The following NECTIN2 variants were observed in gnomAD, a reference collection of about 807,000 sequenced individuals.
The protein encoded by NECTIN2 is nectin-2.
Under a neutral mutation model 56.9 loss-of-function variants are expected in NECTIN2, and 23 were observed. The observed-to-expected ratio is 0.40, with a 90% CI of 0.29 to 0.57. The LOEUF is 0.57. Ranked by LOEUF, NECTIN2 falls within the 20% of genes least tolerant of loss-of-function variation. NECTIN2 has a pLI of 0.38. For synonymous variants in NECTIN2, 302 were observed against 313.8 expected, an observed-to-expected ratio of 0.96 and a Z score of 0.40; for missense variants, 587 against 718.3, an observed-to-expected ratio of 0.82 and a Z score of 2.09.
At chr19:44,856,960 C>A (rs1430854787) in intron 1 of NECTIN2, among the ~76,000 whole-genome samples, 1 of 152,168 alleles carries the variant, frequency 6.6e-6, no homozygotes, top group Non-Finnish European at 1.5e-5. Flanking sequence ...ACCTGGGCCA[C>A]GCCCCGTGAA....
chr19:44,882,048 C>T, intron 5 of NECTIN2, 163 bp from the exon 6 acceptor site: 1 of 527,210 alleles, frequency 1.9e-6, no homozygotes. Flanking sequence ...CACATCCTCG[C>T]TCCTTCCTCA....
At chr19:44,881,284 A>G (rs2122707985) in intron 5 of NECTIN2, among the ~76,000 whole-genome samples, 1 of 152,052 alleles carries the variant, frequency 6.6e-6, no homozygotes, top group South Asian at 2.1e-4. Flanking sequence ...CTGTCCCCGC[A>G]TTCTCTGTCT....
Position 44,886,237 on chromosome 19 carries a change from G to C in NECTIN2, c.1347+18G>C, listed in dbSNP as rs763355550. 3 of 1,597,558 alleles carry C rather than the reference G, an allele frequency of 1.9e-6. No homozygotes were observed. Among genetic ancestry groups the C allele is most frequent in the South Asian group, 2.2e-5 (2 of 90,614 alleles). ...CTGAGCAGGTAGGAGCTCATGGGAA[G>C]ACAAAGGTGGGTTGGGGGTCTGGGT... On this transcript the variant is annotated intron_variant, in intron 8 of 8. Transcript: ENST00000252483.
At chr19:44,881,265 C>G (rs909510153) in intron 5 of NECTIN2, among the ~76,000 whole-genome samples, 2 of 152,112 alleles carry the variant, frequency 1.3e-5, no homozygotes, top group Admixed American at 6.5e-5. Flanking sequence ...GATTCTGGAT[C>G]CCAGAATTCT....
intron 2 of NECTIN2, among the ~76,000 whole-genome samples, chr19:44,867,963 G>A (rs1199756015): frequency 2.0e-5 from 3 of 152,080 alleles, no homozygotes; most frequent in Admixed American, 2.0e-4. Flanking sequence ...CTGGGAAGAC[G>A]GATGAGGCAG....
chr19:44,879,005 G>A (rs544768600), intron 5 of NECTIN2: 1 of 830,892 alleles, frequency 1.2e-6, no homozygotes, highest in Non-Finnish European at 1.5e-6. Context: ...GTGGGACAGG[G>A]ACTCCTAGGT....
intron 1 of NECTIN2, 128 bp downstream of exon 1, chr19:44,846,741 C>A: frequency 8.9e-7 from 1 of 1,123,566 alleles, no homozygotes; most frequent in Non-Finnish European, 1.2e-6. Context: ...TGCCCCCTTC[C>A]TGGCTGGCCC....
intron 1 of NECTIN2, among the ~76,000 whole-genome samples, chr19:44,863,296 C>A (rs1470412453): frequency 6.7e-6 from 1 of 150,366 alleles, no homozygotes; most frequent in African/African-American, 2.4e-5. Context: ...CATGGCAAAA[C>A]CCTATCTCTA....
intron 6 of NECTIN2, among the ~76,000 whole-genome samples, chr19:44,885,334 T>C (rs1043980329): frequency 6.3e-5 from 9 of 143,304 alleles, no homozygotes; most frequent in African/African-American, 2.3e-4. Context: ...TTTTTTAATT[T>C]GAGATGGCAT....
chr19:44,878,802 A>G (rs1969274703), intron 5 of NECTIN2: 10 of 1,392,442 alleles, frequency 7.2e-6, no homozygotes, highest in Non-Finnish European at 9.3e-6. Context: ...TCCCGTCTCT[A>G]GGGCTGCATG....
chr19:44,872,617 G>A (rs970232732), intron 3 of NECTIN2, among the ~76,000 whole-genome samples: 1 of 151,750 alleles, frequency 6.6e-6, no homozygotes, highest in Non-Finnish European at 1.5e-5. Flanking sequence ...CCCCTGGACC[G>A]TTAGATCAAT....
chr19:44,860,623 A>G (rs1191709347), intron 1 of NECTIN2, among the ~76,000 whole-genome samples: 3 of 151,628 alleles, frequency 2.0e-5, no homozygotes, highest in African/African-American at 7.3e-5. Flanking sequence ...AATTATATAT[A>G]TATATTGTTT....
intron 2 of NECTIN2, among the ~76,000 whole-genome samples, chr19:44,870,941 G>A (rs1311916046): frequency 6.6e-6 from 1 of 151,876 alleles, no homozygotes; most frequent in East Asian, 1.9e-4. Context: ...CGTTGGCCAC[G>A]CTAGTCTAGA....
At chr19:44,848,585 C>T (rs1345319994) in intron 1 of NECTIN2, among the ~76,000 whole-genome samples, 1 of 152,212 alleles carries the variant, frequency 6.6e-6, no homozygotes, top group African/African-American at 2.4e-5. Context: ...AAGGAGCTGT[C>T]GGCCCCTTTC....
chr19:44,857,626 T>G (rs1252748949), intron 1 of NECTIN2, among the ~76,000 whole-genome samples: 4 of 151,948 alleles, frequency 2.6e-5, no homozygotes, highest in African/African-American at 9.7e-5. Context: ...GGTCTCGAAC[T>G]CCTGACCTCA....
intron 1 of NECTIN2, among the ~76,000 whole-genome samples, chr19:44,864,715 G>C (rs3112439): frequency 0.87 from 132,024 of 152,052 alleles, 57,356 homozygotes; most frequent in East Asian, 0.94. Context: ...GTAGTCCCAG[G>C]TACTCAGGAG....
chr19:44,872,058 G>T lies in NECTIN2; in HGVS notation c.684G>T (p.Ser228=), dbSNP rs766474102. The change falls in exon 3 of 9, where the codon TCG becomes TCT. Residue 228 remains serine (S), a synonymous_variant. Transcript: ENST00000252483. ...TVTSRFTLVP[S]GRADGVTVTC... ...CCAGCCGCTTCACCTTGGTGCCCTC[G>T]GGCCGAGCAGATGGTGTCACGGTCA... 6.2e-7 allele frequency: 1 copy of T among 1,614,000 alleles called. No homozygotes were observed. The highest frequency in any genetic ancestry group is 8.5e-7 in the Non-Finnish European group (1 of 1,180,048).
chr19:44,868,466 C>T (rs971213841), intron 2 of NECTIN2, among the ~76,000 whole-genome samples: 12 of 133,468 alleles, frequency 9.0e-5, no homozygotes, highest in East Asian at 4.4e-4. Flanking sequence ...TTTCCTTTTT[C>T]TTTTTTTTTT....
intron 1 of NECTIN2, among the ~76,000 whole-genome samples, chr19:44,857,637 G>A (rs1435311802): frequency 6.6e-6 from 1 of 151,846 alleles, no homozygotes; most frequent in African/African-American, 2.4e-5. Flanking sequence ...CCTGACCTCA[G>A]GTGATCCACC....
Sources: gnomAD v4.1 joint callset for allele counts (sites outside exome capture counted in the v4.1 genomes callset) on GRCh38, gnomAD v4.1.1 for gene constraint, MANE v1.5 for transcripts, NCBI Gene and HGNC (gene_info 2026-07-23, HGNC 2026-07-21) for gene names.